CCPG1: variants seen among roughly 807,000 people sequenced by gnomAD.
CCPG1 encodes cell cycle progression protein 1.
In CCPG1, 46 loss-of-function variants were observed where a neutral mutation model predicts 81.3. That is an observed-to-expected ratio of 0.57 (90% confidence interval 0.45 to 0.72). The LOEUF is 0.72. Ranked by LOEUF, CCPG1 falls within the 30% of genes least tolerant of loss-of-function variation. The pLI is 0.00. For missense variants in CCPG1, 902 were observed against 937.6 expected, an observed-to-expected ratio of 0.96 and a Z score of 0.50; for synonymous variants, 330 against 305.2, an observed-to-expected ratio of 1.08 and a Z score of -0.85.
rs900251374 is a variant in CCPG1, at chr15:55,374,214, C to T, written c.455-2170G>A. 5.4e-6 allele frequency: 7 copies of T among 1,288,866 alleles called. No individual in the cohort carries two copies. The African/African-American group carries it at 7.6e-5, about 14-fold the overall frequency. 79.8% of individuals were successfully genotyped at this position (1,288,866 alleles called of 1,614,324 possible). A position where few individuals can be genotyped will look rare whatever the true frequency, so the allele number is the denominator to read the frequency against. On this transcript the variant is annotated intron_variant, in intron 5 of 8. Coordinates refer to ENST00000442196, the MANE Select transcript of CCPG1 (RefSeq NM_001204450.2). ...CAGCTGATCATCCCATCCCCATATG[C>T]ACTCAGGAATCTTCCACAGCTTCTC...
At chr15:55,391,323 C>T (rs937491882) in intron 1 of CCPG1, among the ~76,000 whole-genome samples, 2 of 152,172 alleles carry the variant, frequency 1.3e-5, no homozygotes, top group African/African-American at 4.8e-5. Context: ...GCCATGTTGG[C>T]CAGGCTGGTC....
At position 55,365,429 on chromosome 15, in the gene CCPG1, T is replaced by G. The variant is rs563100707; in HGVS notation, c.707-120A>C. The G allele has an allele frequency of 6.6e-4, 422 of 639,392 alleles. 2 individuals are homozygous for G. Among genetic ancestry groups the G allele is most frequent in the East Asian group, 7.1e-4 (22 of 31,182 alleles). 39.6% of individuals were successfully genotyped at this position (639,392 alleles called of 1,614,324 possible). Reference sequence around the variant, plus strand: ...TGTAGTCTTTTTTTTGTTTTTTTTTTTTGTTTTTTTTTTGTTTTTTGAGAA... The same window carrying G: ...TGTAGTCTTTTTTTTGTTTTTTTTTGTTGTTTTTTTTTTGTTTTTTGAGAA... On this transcript the variant is annotated intron_variant, in intron 6 of 8. Coordinates refer to ENST00000442196, the MANE Select transcript of CCPG1 (RefSeq NM_001204450.2).
chr15:55,404,334 A>T (rs12148682), intron 1 of CCPG1, among the ~76,000 whole-genome samples: 48,666 of 151,960 alleles, frequency 0.32, 8,997 homozygotes, highest in Non-Finnish European at 0.43. Context: ...TTAAGGGCTG[A>T]TAGTAGCCAA....
chr15:55,384,120 TGTAGG>T (rs1176277720), intron 3 of CCPG1, among the ~76,000 whole-genome samples: 3 of 152,154 alleles, frequency 2.0e-5, no homozygotes, highest in Non-Finnish European at 2.9e-5. Flanking sequence ...TGGAGGCCAC[TGTAGG>T]GTTATTAATT....
At chr15:55,370,531 C>T (rs1235763977) in intron 6 of CCPG1, among the ~76,000 whole-genome samples, 1 of 152,186 alleles carries the variant, frequency 6.6e-6, no homozygotes, top group Admixed American at 6.5e-5. Context: ...TGGCTCATGC[C>T]TATAATCCCA....
At chr15:55,376,673 T>C (rs1214049421) in intron 5 of CCPG1, among the ~76,000 whole-genome samples, 1 of 152,222 alleles carries the variant, frequency 6.6e-6, no homozygotes, top group Non-Finnish European at 1.5e-5. Flanking sequence ...CAAAAGAATT[T>C]TGGAGCATTT....
At chr15:55,372,967 T>C (rs1158103480) in intron 5 of CCPG1, 2 of 534,656 alleles carry the variant, frequency 3.7e-6, no homozygotes, top group African/African-American at 1.9e-5. Flanking sequence ...ACTGCCACTC[T>C]TACTAGAAGG....
At chr15:55,406,436 C>CTTTTTTTTTTTTTTGTTTTTTTTTT (rs143238270) in intron 1 of CCPG1, among the ~76,000 whole-genome samples, 2 of 126,272 alleles carry the variant, frequency 1.6e-5, no homozygotes, top group South Asian at 2.4e-4. Flanking sequence ...TTCTTTTTCT[C>CTTTTTTTTTTTTTTGTTTTTTTTTT]TTTTTTTTTT....
intron 1 of CCPG1, among the ~76,000 whole-genome samples, chr15:55,399,437 A>C (rs2057084473): frequency 6.6e-6 from 1 of 151,216 alleles, no homozygotes; most frequent in East Asian, 1.9e-4. Context: ...AAAAAAAAAA[A>C]AACTAGCCGG....
Position 55,404,213 on chromosome 15 carries a change from A to T in CCPG1, c.-10+4008T>A, listed in dbSNP as rs183187880. On this transcript the variant is annotated intron_variant, in intron 1 of 8. Transcript: ENST00000442196. ...CAACCTAAGAAAATAAAGTATGAAC[A>T]CCACAACCTGAAAAACAACGTGTTA... Among the ~76,000 whole-genome samples, 9 of 142,506 alleles carry T rather than the reference A, an allele frequency of 6.3e-5. No individual in the cohort carries two copies. The East Asian group carries it at 1.5e-3, about 25-fold the overall frequency. 93.5% of individuals were successfully genotyped at this position (142,506 alleles called of 152,430 possible).
At chr15:55,369,162 C>T (rs750764595) in intron 6 of CCPG1, among the ~76,000 whole-genome samples, 3 of 151,616 alleles carry the variant, frequency 2.0e-5, no homozygotes, top group Admixed American at 6.6e-5. Flanking sequence ...ATGCAATGAC[C>T]GACTTTACGG....
intron 1 of CCPG1, among the ~76,000 whole-genome samples, chr15:55,405,556 T>G (rs1281123203): frequency 6.6e-6 from 1 of 151,936 alleles, no homozygotes; most frequent in South Asian, 2.1e-4. Context: ...AAAAAAGTAA[T>G]AGCCAGGCCT....
intron 1 of CCPG1, among the ~76,000 whole-genome samples, chr15:55,394,182 T>C (rs1293022769): frequency 6.6e-6 from 1 of 152,136 alleles, no homozygotes; most frequent in Admixed American, 6.6e-5. Flanking sequence ...AGTCGGGGTC[T>C]TGCTAGTTTG....
intron 1 of CCPG1, among the ~76,000 whole-genome samples, chr15:55,397,082 C>T (rs4774210): frequency 0.46 from 69,009 of 151,496 alleles, 16,904 homozygotes; most frequent in East Asian, 0.74. Flanking sequence ...GGCGTGGTAG[C>T]GGGCGCCTGT....
At chr15:55,372,804 T>TA in intron 5 of CCPG1, 1 of 359,750 alleles carries the variant, frequency 2.8e-6, no homozygotes, top group Non-Finnish European at 5.7e-6. Flanking sequence ...ACACAAGCAT[T>TA]TCCTGTGACT....
intron 5 of CCPG1, among the ~76,000 whole-genome samples, chr15:55,375,724 G>A (rs1473231443): frequency 7.2e-6 from 1 of 138,672 alleles, no homozygotes; most frequent in Non-Finnish European, 1.5e-5. Context: ...ATCCTGCTCT[G>A]TCACCCAGGT....
rs572683022 is a variant in CCPG1, at chr15:55,366,542, C to T, written c.707-1233G>A. Among the ~76,000 whole-genome samples the T allele has an allele frequency of 2.0e-5, 3 of 152,206 alleles. No individual in the cohort carries two copies. The South Asian group carries it at 6.2e-4, about 32-fold the overall frequency. ...ATCCCAGCACTTTGGGAGGCCAAAG[C>T]AGATGGATCACCTGAGGTCAGGAGT... is the stretch of plus-strand genomic sequence containing the variant. On this transcript the variant is annotated intron_variant, in intron 6 of 8. Transcript: ENST00000442196.
At chr15:55,394,020 G>C (rs779074062) in intron 1 of CCPG1, among the ~76,000 whole-genome samples, 26 of 152,126 alleles carry the variant, frequency 1.7e-4, no homozygotes, top group Non-Finnish European at 3.5e-4. Flanking sequence ...GTTTTGTCCA[G>C]TTCTTTGTTC....
intron 1 of CCPG1, among the ~76,000 whole-genome samples, chr15:55,405,996 CTGAGA>C (rs1164175512): frequency 7.9e-5 from 12 of 152,292 alleles, no homozygotes; most frequent in South Asian, 2.1e-4. Context: ...TCCTGAATAG[CTGAGA>C]TAACAGGCAT....
Sources: gnomAD v4.1 joint callset for allele counts (sites outside exome capture counted in the v4.1 genomes callset) on GRCh38, gnomAD v4.1.1 for gene constraint, MANE v1.5 for transcripts, NCBI Gene and HGNC (gene_info 2026-07-23, HGNC 2026-07-21) for gene names.